The following ROR1 variants were observed in gnomAD, a reference collection of about 807,000 sequenced individuals.
ROR1 encodes inactive tyrosine-protein kinase transmembrane receptor ROR1.
ROR1 carries 19 observed loss-of-function variants against 78.8 expected under a neutral mutation model. The ratio of observed to expected loss-of-function variants is 0.24; its 90% CI spans 0.17 to 0.35. The LOEUF is 0.35. Ranked by LOEUF, ROR1 falls within the 10% of genes least tolerant of loss-of-function variation. The probability of loss-of-function intolerance (pLI) is 1.00; values close to 1 mark genes in which losing one functional copy is unlikely to be tolerated. For missense variants in ROR1, 917 were observed against 1,177.8 expected (o/e 0.78, Z 3.24); for synonymous variants, 386 against 433.6 (o/e 0.89, Z 1.36).
intron 8 of ROR1, among the ~76,000 whole-genome samples, chr1:64,169,730 T>C (rs1283063534): frequency 6.6e-6 from 1 of 152,216 alleles, no homozygotes; most frequent in Non-Finnish European, 1.5e-5. Context: ...CTTCTGCCTA[T>C]GAGCCTGTAA....
At chr1:63,940,498 C>CAGACAGACAGACAGACAGACAGAT (rs1230477303) in intron 1 of ROR1, among the ~76,000 whole-genome samples, 2 of 75,138 alleles carry the variant, frequency 2.7e-5, no homozygotes, top group African/African-American at 6.2e-5. Flanking sequence ...GATAGACAGA[C>CAGACAGACAGACAGACAGACAGAT]AGATAGATAG....
At chr1:63,872,448 A>G (rs533426644) in intron 1 of ROR1, among the ~76,000 whole-genome samples, 9 of 151,972 alleles carry the variant, frequency 5.9e-5, no homozygotes, top group Non-Finnish European at 1.0e-4. Flanking sequence ...TCCCTGCAAC[A>G]TGGGGTTGGT....
At chr1:64,105,343 T>A (rs1647754721) in intron 4 of ROR1, 1 of 152,224 alleles carries the variant, frequency 6.6e-6, no homozygotes, top group South Asian at 2.1e-4. Flanking sequence ...TCCTTATAGA[T>A]GCTGGATATT....
At chr1:63,940,445 G>A (rs1278589746) in intron 1 of ROR1, among the ~76,000 whole-genome samples, 2 of 151,736 alleles carry the variant, frequency 1.3e-5, no homozygotes, top group East Asian at 1.9e-4. Flanking sequence ...AAGTCTATTC[G>A]GTGACAGGTA....
intron 4 of ROR1, among the ~76,000 whole-genome samples, chr1:64,103,905 C>T (rs1348675574): frequency 6.6e-6 from 1 of 152,074 alleles, no homozygotes; most frequent in East Asian, 1.9e-4. Flanking sequence ...GGGGATTTTG[C>T]CTTCCAGGGA....
rs920008917 is a variant in ROR1 at position 64,059,349 on chromosome 1, G to A, written c.482+8633G>A. On this transcript the variant is annotated intron_variant, in intron 4 of 8. Coordinates refer to ENST00000371079, the MANE Select transcript of ROR1 (RefSeq NM_005012.4). ...GATGTTGCTGTGTGTTGTTTTTGCCGTTTGTTTGGTGAATTTCCTGAATTA... is the reference window on the plus strand; with the variant it reads ...GATGTTGCTGTGTGTTGTTTTTGCCATTTGTTTGGTGAATTTCCTGAATTA... Among the ~76,000 whole-genome samples the A allele has an allele frequency of 8.3e-4, 127 of 152,158 alleles. 2 individuals are homozygous for A. Among genetic ancestry groups the A allele is most frequent in the African/African-American group, 2.2e-4 (9 of 41,520 alleles).
chr1:63,951,570 G>A (rs1645936047), intron 1 of ROR1, among the ~76,000 whole-genome samples: 1 of 152,224 alleles, frequency 6.6e-6, no homozygotes, highest in African/African-American at 2.4e-5. Flanking sequence ...CTCACACAGA[G>A]GCAAAGGGAA....
intron 1 of ROR1, among the ~76,000 whole-genome samples, chr1:63,980,816 C>G (rs1646204382): frequency 6.6e-6 from 1 of 152,176 alleles, no homozygotes; most frequent in Non-Finnish European, 1.5e-5. Context: ...GTAAAAGGGC[C>G]AAGGAGCACT....
intron 1 of ROR1, among the ~76,000 whole-genome samples, chr1:63,837,881 G>T (rs1645027904): frequency 6.6e-6 from 1 of 152,182 alleles, no homozygotes; most frequent in Non-Finnish European, 1.5e-5. Flanking sequence ...TGTCACATTT[G>T]TATGGTAGCT....
chr1:63,807,203 A>C (rs1312856968), intron 1 of ROR1, among the ~76,000 whole-genome samples: 1 of 152,232 alleles, frequency 6.6e-6, no homozygotes, highest in African/African-American at 2.4e-5. Context: ...CCCTTCTGCC[A>C]CTTCTGGGAA....
Position 63,860,182 on chromosome 1 carries a change from T to C in ROR1, c.91+85674T>C, listed in dbSNP as rs117379827. 2.1e-3 allele frequency among the ~76,000 whole-genome samples: 323 copies of C among 152,292 alleles called. 6 individuals carry two copies. In the East Asian group the frequency reaches 0.045, roughly 21 times the overall value. Reference sequence around the variant, plus strand: ...TCTTATTACTATTATTGTTCTAAAATTCAGGCCTTTCTTCACCACACTGAC... The same window carrying C: ...TCTTATTACTATTATTGTTCTAAAACTCAGGCCTTTCTTCACCACACTGAC... On this transcript the variant is annotated intron_variant, in intron 1 of 8. Coordinates refer to ENST00000371079, the MANE Select transcript of ROR1 (RefSeq NM_005012.4).
chr1:63,810,542 G>A (rs1644854913), intron 1 of ROR1, among the ~76,000 whole-genome samples: 2 of 152,212 alleles, frequency 1.3e-5, no homozygotes, highest in African/African-American at 4.8e-5. Context: ...GTGGTGTAAA[G>A]GCTTGTGGTT....
At chr1:63,975,629 G>A (rs1346917075) in intron 1 of ROR1, among the ~76,000 whole-genome samples, 3 of 152,112 alleles carry the variant, frequency 2.0e-5, no homozygotes, top group Non-Finnish European at 2.9e-5. Context: ...CACACGAAGC[G>A]GTGCCACAGT....
At chr1:63,995,662 A>G (rs1409589858) in intron 1 of ROR1, among the ~76,000 whole-genome samples, 1 of 152,186 alleles carries the variant, frequency 6.6e-6, no homozygotes, top group Non-Finnish European at 1.5e-5. Context: ...TCTTAACCTC[A>G]TTGAGCCTTA....
At position 63,774,062 on chromosome 1, in the gene ROR1, C is replaced by A; in HGVS notation, c.-356C>A. 1 of 163,742 alleles carries A rather than the reference C, an allele frequency of 6.1e-6. No individual in the cohort carries two copies. The highest frequency in any genetic ancestry group is 1.3e-5 in the Non-Finnish European group (1 of 75,806). 10.1% of individuals were successfully genotyped at this position (163,742 alleles called of 1,614,324 possible). A position where few individuals can be genotyped will look rare whatever the true frequency, so the allele number is the denominator to read the frequency against. On this transcript the variant is annotated 5_prime_UTR_variant, in exon 1 of 9. Transcript: ENST00000371079. This position sits in a 1 kb window ranked among gnomAD's most constrained non-coding sequence, Gnocchi z 5.7. The stretch of plus-strand genomic sequence containing the variant: ...CGTGGAGAGCTGGAGCAGCCGCCAC[C>A]GCCGCCGCCGAGGGAGCCCCGGGAC...
chr1:64,171,082 A>T (rs1403825812), intron 8 of ROR1: 2 of 168,468 alleles, frequency 1.2e-5, no homozygotes, highest in Non-Finnish European at 2.5e-5. Context: ...AGTCACTTCC[A>T]CATTTTCGGG....
chr1:63,787,707 A>G (rs1214327814), intron 1 of ROR1, among the ~76,000 whole-genome samples: 1 of 152,046 alleles, frequency 6.6e-6, no homozygotes, highest in Non-Finnish European at 1.5e-5. Context: ...TTGTATATTT[A>G]GTAGAGACGG....
intron 6 of ROR1, among the ~76,000 whole-genome samples, chr1:64,140,687 T>C (rs1649283982): frequency 6.6e-6 from 1 of 152,234 alleles, no homozygotes; most frequent in Admixed American, 6.5e-5. Context: ...CTAGCAATTC[T>C]ACTCCTGAGT....
intron 4 of ROR1, among the ~76,000 whole-genome samples, chr1:64,075,996 C>T (rs138859560): frequency 2.0e-5 from 3 of 152,316 alleles, no homozygotes; most frequent in Admixed American, 1.3e-4. Flanking sequence ...GTGTGATATT[C>T]TGTGCCTCAC....
Sources: gnomAD v4.1 joint callset for allele counts (sites outside exome capture counted in the v4.1 genomes callset) on GRCh38, gnomAD v4.1.1 for gene constraint, Gnocchi (gnomAD v3.1) non-coding constraint, MANE v1.5 for transcripts, NCBI Gene and HGNC (gene_info 2026-07-23, HGNC 2026-07-21) for gene names.